Variants in RAMP1 observed in about 807,000 individuals in gnomAD.
RAMP1 encodes receptor activity-modifying protein 1.
A neutral mutation model predicts 8.2 loss-of-function variants in RAMP1; 7 were observed. The observed-to-expected ratio is 0.85, with a 90% CI of 0.49 to 1.60. The LOEUF is 1.60. Among genes scored for constraint, RAMP1 ranks in the 40% most tolerant of loss-of-function variants. The pLI is 0.00. For synonymous variants in RAMP1, 92 were observed against 84.7 expected (o/e 1.09, Z -0.47); for missense variants, 192 against 202.4 (o/e 0.95, Z 0.31).
chr2:237,870,445 A>G (rs905884865), intron 1 of RAMP1, among the ~76,000 whole-genome samples: 1 of 152,226 alleles, frequency 6.6e-6, no homozygotes, highest in Non-Finnish European at 1.5e-5. Flanking sequence ...GGCTTTAAGA[A>G]GTATGCTTGG....
In RAMP1 at chr2:237,903,180, T is replaced by C. The variant is rs72981907; in HGVS notation, c.192-8348T>C. Among the ~76,000 whole-genome samples the C allele has an allele frequency of 8.4e-3, 1,272 of 152,292 alleles. 6 individuals carry two copies. Among genetic ancestry groups the C allele is most frequent in the Middle Eastern group, 0.048 (14 of 294 alleles). On this transcript the variant is annotated intron_variant, in intron 2 of 2. Coordinates refer to ENST00000254661, the MANE Select transcript of RAMP1 (RefSeq NM_005855.4). ...TGCCCAGCTTTAGAACATAAATGTT[T>C]TTCCACATCTTAAAATTTTCTTCCT...
At chr2:237,881,547 T>C (rs28615084) in intron 2 of RAMP1, among the ~76,000 whole-genome samples, 4,827 of 152,338 alleles carry the variant, frequency 0.032, 234 homozygotes, top group African/African-American at 0.11. Context: ...CAGCAGCGTA[T>C]GGGGTGCCCG....
intron 2 of RAMP1, among the ~76,000 whole-genome samples, chr2:237,901,723 G>A (rs534986438): frequency 7.2e-5 from 11 of 152,312 alleles, no homozygotes; most frequent in African/African-American, 2.6e-4. Context: ...AGCGGCCAGG[G>A]TGTGGGATGT....
intron 2 of RAMP1, among the ~76,000 whole-genome samples, chr2:237,911,172 C>T (rs371874431): frequency 1.6e-4 from 24 of 152,388 alleles, no homozygotes; most frequent in African/African-American, 5.3e-4. Context: ...CACCAGCCTG[C>T]GACCTTGCCC....
At chr2:237,897,886 C>T (rs2062558714) in intron 2 of RAMP1, among the ~76,000 whole-genome samples, 1 of 152,114 alleles carries the variant, frequency 6.6e-6, no homozygotes, top group African/African-American at 2.4e-5. Context: ...GCAACCTCCA[C>T]CTCCCGAGTT....
chr2:237,883,841 GA>G (rs1044563945), intron 2 of RAMP1, among the ~76,000 whole-genome samples: 148 of 86,818 alleles, frequency 1.7e-3, no homozygotes, highest in African/African-American at 5.0e-3. Context: ...GAAAAGAAAA[GA>G]AAAAAAAAAA....
intron 2 of RAMP1, among the ~76,000 whole-genome samples, chr2:237,897,732 C>G (rs1000471340): frequency 2.7e-5 from 4 of 149,624 alleles, no homozygotes; most frequent in African/African-American, 9.8e-5. Context: ...AACACATGCT[C>G]TCGTGGATGC....
chr2:237,898,114 T>C (rs2062561386), intron 2 of RAMP1, among the ~76,000 whole-genome samples: 1 of 152,152 alleles, frequency 6.6e-6, no homozygotes, highest in Non-Finnish European at 1.5e-5. Flanking sequence ...CTGTAATTCT[T>C]TGGAAAGGGA....
chr2:237,885,084 G>T (rs183989049), intron 2 of RAMP1, among the ~76,000 whole-genome samples: 14 of 152,394 alleles, frequency 9.2e-5, no homozygotes, highest in Admixed American at 7.8e-4. Context: ...TTCCCAGCCT[G>T]CTGCATTTCC....
At chr2:237,868,966 A>G (rs575571213) in intron 1 of RAMP1, among the ~76,000 whole-genome samples, 14 of 152,158 alleles carry the variant, frequency 9.2e-5, no homozygotes, top group African/African-American at 3.4e-4. Context: ...TGGTCTTACA[A>G]ATTTTTCGTG....
intron 1 of RAMP1, among the ~76,000 whole-genome samples, chr2:237,875,526 T>C (rs3820799): frequency 0.14 from 21,274 of 152,064 alleles, 1,570 homozygotes; most frequent in East Asian, 0.27. Flanking sequence ...GGGGACTCTG[T>C]CTCGCTTGCT....
At chr2:237,908,410 C>CGTGG (rs1553740388) in intron 2 of RAMP1, among the ~76,000 whole-genome samples, 2 of 149,014 alleles carry the variant, frequency 1.3e-5, no homozygotes, top group Non-Finnish European at 3.0e-5. Context: ...GAAGAGACCT[C>CGTGG]TGGTGGTGGT....
chr2:237,861,031 GT>G (rs1312939670), intron 1 of RAMP1, among the ~76,000 whole-genome samples: 1 of 152,180 alleles, frequency 6.6e-6, no homozygotes, highest in Admixed American at 6.5e-5. Flanking sequence ...GGCCTTCACT[GT>G]TTTCATTTAC....
chr2:237,872,224 G>A (rs1408824142), intron 1 of RAMP1, among the ~76,000 whole-genome samples: 1 of 152,176 alleles, frequency 6.6e-6, no homozygotes, highest in African/African-American at 2.4e-5. Flanking sequence ...AGGCGGCTCG[G>A]CAGCCTATTC....
rs1305970999 is a variant in RAMP1, at chr2:237,878,255, TGA to T, written c.191+898_191+899del. On this transcript the variant is annotated intron_variant, in intron 2 of 2. Transcript: ENST00000254661. This position sits in a 1 kb window ranked among gnomAD's most constrained non-coding sequence, Gnocchi z 5.7. ...GATGACAAGCGCTTTCCCCAGTGCC[TGA>T]GAGAAAGGGAGCCCTGGGGACTGGT... 2 of 909,028 alleles carry T rather than the reference TGA, an allele frequency of 2.2e-6. No homozygotes were observed. The highest frequency in any genetic ancestry group is 1.2e-4 in the Admixed American group (2 of 16,184). The allele number at this position is 909,028 out of a possible 1,614,324, so 56.3% of individuals were successfully genotyped here. A position where few individuals can be genotyped will look rare whatever the true frequency, so the allele number is the denominator to read the frequency against.
At position 237,878,136 on chromosome 2, in the gene RAMP1, G is replaced by A. The variant is rs1226304452; in HGVS notation, c.191+774G>A. On this transcript the variant is annotated intron_variant, in intron 2 of 2. Coordinates refer to ENST00000254661, the MANE Select transcript of RAMP1 (RefSeq NM_005855.4). This position sits in a 1 kb window ranked among gnomAD's most constrained non-coding sequence, Gnocchi z 5.7. ...GAGTAGCGGGGTCAGCAGTGCATGC[G>A]TGGAGCTGAAGGCCACCGCCTCCCT... 3.7e-5 allele frequency: 36 copies of A among 985,472 alleles called. No homozygotes were observed. In the East Asian group the frequency reaches 4.5e-4, roughly 12 times the overall value. 61.0% of individuals were successfully genotyped at this position (985,472 alleles called of 1,614,324 possible).
intron 2 of RAMP1, among the ~76,000 whole-genome samples, chr2:237,893,471 G>A (rs1052372208): frequency 2.0e-5 from 3 of 152,072 alleles, no homozygotes; most frequent in African/African-American, 4.8e-5. Flanking sequence ...TGGTTCCTCC[G>A]GCACCCTCCT....
chr2:237,877,333 G>C lies in RAMP1; in HGVS notation c.162G>C (p.Thr54=), dbSNP rs369223632. The change falls in exon 2 of 3, where the codon ACG becomes ACC. Residue 54 remains threonine (T), a synonymous_variant. Coordinates refer to ENST00000254661, the MANE Select transcript of RAMP1 (RefSeq NM_005855.4). This position sits in a 1 kb window ranked among gnomAD's most constrained non-coding sequence, Gnocchi z 4.4. Reference sequence around the variant, plus strand: ...TAGACATGGAGGCCGTCGGGGAGACGCTGTGGTGTGACTGGGGCAGGACCA... The same window carrying C: ...TAGACATGGAGGCCGTCGGGGAGACCCTGTGGTGTGACTGGGGCAGGACCA... ...FQVDMEAVGE[T]LWCDWGRTIR... 1 of 1,613,684 alleles carries C rather than the reference G, an allele frequency of 6.2e-7. No homozygotes were observed. The highest frequency in any genetic ancestry group is 1.1e-5 in the South Asian group (1 of 91,046).
chr2:237,883,903 G>C (rs1485125437), intron 2 of RAMP1, among the ~76,000 whole-genome samples: 3 of 143,220 alleles, frequency 2.1e-5, no homozygotes, highest in Non-Finnish European at 4.5e-5. Context: ...GCCCTGGCCT[G>C]TAGGTCCACT....
Sources: gnomAD v4.1 joint callset for allele counts (sites outside exome capture counted in the v4.1 genomes callset) on GRCh38, gnomAD v4.1.1 for gene constraint, Gnocchi (gnomAD v3.1) non-coding constraint, MANE v1.5 for transcripts, NCBI Gene and HGNC (gene_info 2026-07-23, HGNC 2026-07-21) for gene names.